Variants in MAK observed in about 807,000 individuals in gnomAD.
The protein encoded by MAK is male germ cell associated kinase.
A neutral mutation model predicts 82.6 loss-of-function variants in MAK; 65 were observed. The ratio of observed to expected loss-of-function variants is 0.79; its 90% CI spans 0.64 to 0.97. The LOEUF (loss-of-function observed/expected upper bound fraction) is 0.97. Ranked by LOEUF, MAK falls within the 50% of genes least tolerant of loss-of-function variation. MAK has a pLI of 0.00. For synonymous variants in MAK, 250 were observed against 274.2 expected (o/e 0.91, Z 0.87); for missense variants, 703 against 780.2 (o/e 0.90, Z 1.18).
chr6:10,834,365 C>T (rs527556362), intron 1 of MAK, among the ~76,000 whole-genome samples: 6 of 152,218 alleles, frequency 3.9e-5, no homozygotes, highest in Admixed American at 3.3e-4. Flanking sequence ...AGAGAATCAA[C>T]GATGGAGTCA....
At chr6:10,831,433 G>A (rs1778801704) in intron 1 of MAK, among the ~76,000 whole-genome samples, 1 of 152,060 alleles carries the variant, frequency 6.6e-6, no homozygotes, top group African/African-American at 2.4e-5. Context: ...TTAGGATTTA[G>A]TGTCACACTA....
At chr6:10,770,757 A>T (rs886873058) in intron 13 of MAK, among the ~76,000 whole-genome samples, 1 of 152,158 alleles carries the variant, frequency 6.6e-6, no homozygotes, top group Non-Finnish European at 1.5e-5. Flanking sequence ...ATCATTATCA[A>T]CACCATCATC....
chr6:10,784,514 G>T lies in MAK; in HGVS notation c.1375C>A (p.Pro459Thr). Residue 459 changes from proline to threonine, a missense_variant, in exon 11 of 15, where the codon CCT (proline) becomes ACT (threonine). Physicochemically the swap from Pro to Thr is conservative, Grantham distance 38 (BLOSUM62 -1). Transcript: ENST00000354489. ...NHSTGENKSL[P>T]AVTSLKSDSE... ...TCAGATTTTAGGGAAGTAACAGCAG[G>T]TAAGCTCTTGTTTTCCCCTGTCGAG... 1 of 1,614,154 alleles carries T rather than the reference G, an allele frequency of 6.2e-7. No individual in the cohort carries two copies. The highest frequency in any genetic ancestry group is 8.5e-7 in the Non-Finnish European group (1 of 1,180,002).
intron 8 of MAK, among the ~76,000 whole-genome samples, chr6:10,798,355 C>T (rs980068295): frequency 7.9e-5 from 12 of 151,932 alleles, no homozygotes; most frequent in African/African-American, 2.2e-4. Context: ...CCTCGTGATC[C>T]GCCCACCTTG....
chr6:10,813,153 T>A (rs1777188899), intron 5 of MAK, among the ~76,000 whole-genome samples: 3 of 52,224 alleles, frequency 5.7e-5, no homozygotes, highest in African/African-American at 3.5e-4. Context: ...TTTTTTTTTT[T>A]TTTTTTTTTT....
At position 10,776,429 on chromosome 6, in the gene MAK, C is replaced by A. The variant is rs1359226683; in HGVS notation, c.1466-970G>T. On this transcript the variant is annotated intron_variant, in intron 11 of 14. Coordinates refer to ENST00000354489, the MANE Select transcript of MAK (RefSeq NM_001242957.3). This position sits in a 1 kb window ranked among gnomAD's most constrained non-coding sequence, Gnocchi z 4.3. ...CCTGTTCTTAAGAGACTGAAAACTTCTTGAGCTTGTTTTCTTTTCACTGAT... is the reference window on the plus strand; with the variant it reads ...CCTGTTCTTAAGAGACTGAAAACTTATTGAGCTTGTTTTCTTTTCACTGAT... 6.6e-6 allele frequency among the ~76,000 whole-genome samples: 1 copy of A among 152,190 alleles called. No homozygotes were observed. The highest frequency in any genetic ancestry group is 1.5e-5 in the Non-Finnish European group (1 of 68,028).
At chr6:10,784,873 C>CT (rs1404024834) in intron 10 of MAK, 1 of 535,372 alleles carries the variant, frequency 1.9e-6, no homozygotes, top group South Asian at 1.5e-5. Flanking sequence ...GGATTCATAA[C>CT]GTGGGAAACT....
chr6:10,785,211 T>G (rs1304863567), intron 10 of MAK, among the ~76,000 whole-genome samples: 2 of 152,194 alleles, frequency 1.3e-5, no homozygotes, highest in Non-Finnish European at 2.9e-5. Context: ...GTGTACGGAC[T>G]GAGGACTTTC....
chr6:10,789,459 C>A (rs1243090760), intron 10 of MAK, among the ~76,000 whole-genome samples: 1 of 152,122 alleles, frequency 6.6e-6, no homozygotes, highest in Non-Finnish European at 1.5e-5. Flanking sequence ...TGTTCTAAGA[C>A]CCCCAGAGGA....
intron 8 of MAK, chr6:10,798,092 CTTTA>C (rs1321959189): frequency 1.2e-5 from 3 of 248,530 alleles, no homozygotes; most frequent in African/African-American, 2.5e-5. Context: ...AATTTCAAGG[CTTTA>C]TTTATAACAA....
At position 10,813,632 on chromosome 6, in the gene MAK, A is replaced by G. The variant is rs200703968; in HGVS notation, c.358+12T>C. 43 of 1,498,950 alleles carry G rather than the reference A, an allele frequency of 2.9e-5. No individual in the cohort carries two copies. The East Asian group carries it at 9.3e-4, about 32-fold the overall frequency. 92.9% of individuals were successfully genotyped at this position (1,498,950 alleles called of 1,614,324 possible). A position where few individuals can be genotyped will look rare whatever the true frequency, so the allele number is the denominator to read the frequency against. On this transcript the variant is annotated intron_variant, in intron 5 of 14. Coordinates refer to ENST00000354489, the MANE Select transcript of MAK (RefSeq NM_001242957.3). ...TAAAGAGGTAGGGAAATTAAACTTA[A>G]AAGAAACCTACCATGTTTATGGATA...
intron 14 of MAK, 122 bp from the exon 15 acceptor site, chr6:10,764,728 G>GAGAGTACTGAGT: frequency 1.0e-6 from 1 of 992,696 alleles, no homozygotes; most frequent in South Asian, 1.3e-5. Flanking sequence ...GATTAACTCA[G>GAGAGTACTGAGT]TACTCTCTGA....
chr6:10,807,228 C>T (rs888755535), intron 6 of MAK, among the ~76,000 whole-genome samples: 1 of 151,972 alleles, frequency 6.6e-6, no homozygotes, highest in South Asian at 2.1e-4. Flanking sequence ...CTCAGTCAGA[C>T]CCTCCATGTA....
intron 11 of MAK, among the ~76,000 whole-genome samples, chr6:10,779,743 G>A (rs1773795265): frequency 6.6e-6 from 1 of 152,086 alleles, no homozygotes; most frequent in African/African-American, 2.4e-5. Flanking sequence ...GGAGTGCAAT[G>A]GCACTATCTT....
At chr6:10,820,314 T>C (rs915142500) in intron 2 of MAK, among the ~76,000 whole-genome samples, 1 of 152,046 alleles carries the variant, frequency 6.6e-6, no homozygotes, top group Non-Finnish European at 1.5e-5. Context: ...ATCCTTAAGA[T>C]CCAGAGGCTC....
Position 10,793,381 on chromosome 6 carries a change from A to C in MAK, c.1144-1534T>G, listed in dbSNP as rs570084131. Among the ~76,000 whole-genome samples, 4 of 152,332 alleles carry C rather than the reference A, an allele frequency of 2.6e-5. No homozygotes were observed. In the East Asian group the frequency reaches 7.7e-4, roughly 29 times the overall value. On this transcript the variant is annotated intron_variant, in intron 9 of 14. Transcript: ENST00000354489. This position sits in a 1 kb window ranked among gnomAD's most constrained non-coding sequence, Gnocchi z 4.6. The stretch of plus-strand genomic sequence containing the variant: ...CTGCCCAAGATCTCACGGTCGTTCT[A>C]TTCATCATGAAGATTCAGGAGCAAA...
chr6:10,791,564 G>T, intron 10 of MAK, 111 bp downstream of exon 10: 3 of 992,088 alleles, frequency 3.0e-6, no homozygotes, highest in Non-Finnish European at 4.6e-6. Flanking sequence ...ACTACACCTG[G>T]CCTGTTAAGC....
At chr6:10,816,303 C>T (rs1449656482) in intron 4 of MAK, among the ~76,000 whole-genome samples, 2 of 152,020 alleles carry the variant, frequency 1.3e-5, no homozygotes, top group East Asian at 1.9e-4. Context: ...AATTCCTGGG[C>T]TCAAGTGATC....
At chr6:10,805,571 G>GAAA (rs540676488) in intron 6 of MAK, among the ~76,000 whole-genome samples, 1 of 126,608 alleles carries the variant, frequency 7.9e-6, no homozygotes. Flanking sequence ...TGGGTGACAG[G>GAAA]AAAAAAAAAA....
Sources: gnomAD v4.1 joint callset for allele counts (sites outside exome capture counted in the v4.1 genomes callset) on GRCh38, gnomAD v4.1.1 for gene constraint, Gnocchi (gnomAD v3.1) non-coding constraint, MANE v1.5 for transcripts, NCBI Gene and HGNC (gene_info 2026-07-23, HGNC 2026-07-21) for gene names.